The following PDSS1 variants were observed in gnomAD, a reference collection of about 807,000 sequenced individuals.
PDSS1 encodes the protein decaprenyl diphosphate synthase subunit 1.
In PDSS1, 43 loss-of-function variants were observed where a neutral mutation model predicts 57.5. The ratio of observed to expected loss-of-function variants is 0.75; its 90% CI spans 0.59 to 0.96. The LOEUF is 0.96. Ranked by LOEUF, PDSS1 falls within the 50% of genes least tolerant of loss-of-function variation. The pLI is 0.00. For synonymous variants in PDSS1, 175 were observed against 191.3 expected (o/e 0.91, Z 0.70); for missense variants, 438 against 527.8 (o/e 0.83, Z 1.67).
chr10:26,716,546 TCTGGG>T (rs923153421), intron 5 of PDSS1, among the ~76,000 whole-genome samples: 1 of 151,968 alleles, frequency 6.6e-6, no homozygotes, highest in African/African-American at 2.4e-5. Flanking sequence ...ACAAAAATTA[TCTGGG>T]CGTGGTGGCA....
In PDSS1 at chr10:26,712,266, G is replaced by A. The variant is rs1454888490; in HGVS notation, c.467+2498G>A. Reference sequence around the variant, plus strand: ...TTCACCGGCCTTGGCCTCCCAAAGTGCTGGGATTACAGGTGTGAGCCACCG... The same window carrying A: ...TTCACCGGCCTTGGCCTCCCAAAGTACTGGGATTACAGGTGTGAGCCACCG... On this transcript the variant is annotated intron_variant, in intron 5 of 11. Coordinates refer to ENST00000376215, the MANE Select transcript of PDSS1 (RefSeq NM_014317.5). Among the ~76,000 whole-genome samples, 2 of 100,154 alleles carry A rather than the reference G, an allele frequency of 2.0e-5. 1 individual carries two copies. Among genetic ancestry groups the A allele is most frequent in the Admixed American group, 2.4e-4 (2 of 8,450 alleles). The allele number at this position is 100,154 out of a possible 152,430, so 65.7% of individuals were successfully genotyped here. A position where few individuals can be genotyped will look rare whatever the true frequency, so the allele number is the denominator to read the frequency against.
intron 8 of PDSS1, among the ~76,000 whole-genome samples, chr10:26,731,193 T>C (rs891911479): frequency 3.3e-5 from 5 of 151,762 alleles, no homozygotes; most frequent in African/African-American, 1.2e-4. Context: ...GTACAAAAAT[T>C]AGCCAGGTAT....
intron 4 of PDSS1, among the ~76,000 whole-genome samples, chr10:26,709,432 G>T (rs1380433165): frequency 1.3e-5 from 2 of 152,000 alleles, no homozygotes; most frequent in African/African-American, 4.8e-5. Flanking sequence ...ATTGTGGCGG[G>T]TGCTTGTAAT....
In PDSS1 at chr10:26,742,538, G is replaced by A. The variant is rs1185054946; in HGVS notation, c.1068G>A (p.Leu356=). 6.2e-7 allele frequency: 1 copy of A among 1,612,820 alleles called. No homozygotes were observed. Among genetic ancestry groups the A allele is most frequent in the Admixed American group, 1.7e-5 (1 of 60,014 alleles). Reference sequence around the variant, plus strand: ...CTATGATCATGCGACGGTTCAGTTTGCCTGGAGATGTAGACAGAGCTCGAC... The same window carrying A: ...CTATGATCATGCGACGGTTCAGTTTACCTGGAGATGTAGACAGAGCTCGAC... ...MNAMIMRRFS[L]PGDVDRARQY... is the part of the protein sequence containing the mutation. Residue 356 remains leucine, a synonymous_variant, in exon 11 of 12, where the codon TTG becomes TTA. Coordinates refer to ENST00000376215, the MANE Select transcript of PDSS1 (RefSeq NM_014317.5).
At chr10:26,742,965 C>T (rs1836682886) in intron 11 of PDSS1, among the ~76,000 whole-genome samples, 1 of 152,230 alleles carries the variant, frequency 6.6e-6, no homozygotes, top group Non-Finnish European at 1.5e-5. Context: ...TGTCCCCATC[C>T]ATGACCCCAT....
chr10:26,702,324 T>C (rs1371247565), intron 2 of PDSS1, 130 bp downstream of exon 2: 31 of 339,238 alleles, frequency 9.1e-5, no homozygotes. Flanking sequence ...GGCAGAACGA[T>C]ATGGTTGGTT....
At chr10:26,737,492 G>A (rs529356825) in intron 10 of PDSS1, among the ~76,000 whole-genome samples, 3 of 152,208 alleles carry the variant, frequency 2.0e-5, no homozygotes, top group South Asian at 2.1e-4. Context: ...CAGCACTTTG[G>A]GAGGCTGAGG....
At chr10:26,724,569 G>GT (rs1021689970) in intron 8 of PDSS1, among the ~76,000 whole-genome samples, 5 of 151,490 alleles carry the variant, frequency 3.3e-5, no homozygotes, top group African/African-American at 4.8e-5. Flanking sequence ...ACTTTTTTTT[G>GT]TTTTTTTGTT....
chr10:26,698,464 T>TATCATC (rs1199467926), intron 1 of PDSS1, among the ~76,000 whole-genome samples: 11 of 151,926 alleles, frequency 7.2e-5, no homozygotes, highest in African/African-American at 2.7e-4. Context: ...AACCCTGGAG[T>TATCATC]CATCTAAAGT....
intron 8 of PDSS1, among the ~76,000 whole-genome samples, chr10:26,727,423 T>G (rs1025965717): frequency 2.6e-5 from 4 of 151,832 alleles, no homozygotes; most frequent in Non-Finnish European, 5.9e-5. Context: ...TATTACTTGA[T>G]TTTCAAAGCC....
chr10:26,698,959 A>G (rs1314371513), intron 1 of PDSS1, among the ~76,000 whole-genome samples: 2 of 152,194 alleles, frequency 1.3e-5, no homozygotes, highest in Non-Finnish European at 1.5e-5. Flanking sequence ...CTCTGTCTCT[A>G]TAAAAAATAG....
chr10:26,702,112 G>A, intron 1 of PDSS1, 50 bp from the exon 2 acceptor site: 1 of 450,810 alleles, frequency 2.2e-6, no homozygotes, highest in Non-Finnish European at 4.5e-6. Context: ...ACCAATACCT[G>A]TACTCCCATT....
intron 8 of PDSS1, among the ~76,000 whole-genome samples, chr10:26,733,388 C>G (rs1210732037): frequency 6.6e-6 from 1 of 152,146 alleles, no homozygotes; most frequent in Non-Finnish European, 1.5e-5. Flanking sequence ...AAGGAGCCCT[C>G]CCTGACAGCC....
intron 2 of PDSS1, among the ~76,000 whole-genome samples, chr10:26,703,597 AGGTTGTCATATAAT>A (rs900936927): frequency 6.6e-6 from 1 of 152,148 alleles, no homozygotes; most frequent in Admixed American, 6.5e-5. Context: ...TGAAAGACAT[AGGTTGTCATATAAT>A]GGTTGTCATA....
chr10:26,717,399 T>A (rs1252551453), intron 5 of PDSS1, among the ~76,000 whole-genome samples: 1 of 152,054 alleles, frequency 6.6e-6, no homozygotes, highest in African/African-American at 2.4e-5. Flanking sequence ...GCCTGGCTAG[T>A]TTTTGTATTT....
At chr10:26,697,878 G>T in intron 1 of PDSS1, 38 bp downstream of exon 1, 1 of 1,263,278 alleles carries the variant, frequency 7.9e-7, no homozygotes, top group Non-Finnish European at 1.0e-6. Context: ...GGGCTCAGAG[G>T]TCACGGCTCC....
Position 26,711,668 on chromosome 10 carries a change from A to G in PDSS1, c.467+1900A>G, listed in dbSNP as rs909190698. On this transcript the variant is annotated intron_variant, in intron 5 of 11. Transcript: ENST00000376215. ...CGGGACTGTTGAAATTTTGGGCCACATTGTTCTTTGTTGGGGGTCACTGGG... is the reference window on the plus strand; with the variant it reads ...CGGGACTGTTGAAATTTTGGGCCACGTTGTTCTTTGTTGGGGGTCACTGGG... Among the ~76,000 whole-genome samples, 5 of 96,636 alleles carry G rather than the reference A, an allele frequency of 5.2e-5. 2 individuals carry two copies. The highest frequency in any genetic ancestry group is 1.7e-4 in the African/African-American group (5 of 29,676). The allele number at this position is 96,636 out of a possible 152,430, so 63.4% of individuals were successfully genotyped here. A position where few individuals can be genotyped will look rare whatever the true frequency, so the allele number is the denominator to read the frequency against.
intron 4 of PDSS1, among the ~76,000 whole-genome samples, chr10:26,707,284 A>T (rs987851091): frequency 6.6e-6 from 1 of 152,144 alleles, no homozygotes; most frequent in East Asian, 1.9e-4. Flanking sequence ...GAGCCGACTC[A>T]CCCAACTCCC....
intron 2 of PDSS1, among the ~76,000 whole-genome samples, chr10:26,703,297 CTGAATAACTAAAAAGT>C (rs1343202086): frequency 1.8e-4 from 27 of 151,978 alleles, no homozygotes; most frequent in African/African-American, 5.3e-4. Context: ...GGGTCTATAA[CTGAATAACTAAAAAGT>C]TATTCAGTTA....
Sources: allele counts gnomAD v4.1 joint callset (sites outside exome capture counted in the v4.1 genomes callset), GRCh38; gene constraint gnomAD v4.1.1; transcripts MANE v1.5; gene names NCBI Gene and HGNC (gene_info 2026-07-23, HGNC 2026-07-21).